Variants in LY96 observed in about 807,000 individuals in gnomAD.
LY96 encodes myeloid differentiation protein-2.
LY96 carries 18 observed loss-of-function variants against 18.9 expected under a neutral mutation model. The ratio of observed to expected loss-of-function variants is 0.95; its 90% CI spans 0.66 to 1.41. The LOEUF is 1.41. LY96 is among the 40% of genes most tolerant of loss of function. The pLI is 0.00. For synonymous variants in LY96, 66 were observed against 62.6 expected (o/e 1.06, Z -0.26); for missense variants, 175 against 182.4 (o/e 0.96, Z 0.23).
chr8:74,063,668 T>C, the LY96 span, among the ~76,000 whole-genome samples: 2 of 151,490 alleles, frequency 1.3e-5, no homozygotes, highest in African/African-American at 4.9e-5. Flanking sequence ...TATTTAGATC[T>C]ATGATGCACT....
Position 74,004,830 on chromosome 8 carries a change from C to A in LY96, c.147C>A (p.Asn49Lys). ...AATACCCAATTTCAATTAATGTTAA[C>A]CCCTGTATAGAATTGAAAAGATCCA... ...KMQYPISINV[N>K]PCIELKRSKG... The change falls in exon 2 of 5, where the codon AAC becomes AAA. Residue 49 changes from asparagine to lysine, a missense_variant. Asn to Lys is a moderately conservative substitution (Grantham distance 94). Coordinates refer to ENST00000284818, the MANE Select transcript of LY96 (RefSeq NM_015364.5). 1 of 1,583,180 alleles carries A rather than the reference C, an allele frequency of 6.3e-7. No homozygotes were observed. The highest frequency in any genetic ancestry group is 8.7e-7 in the Non-Finnish European group (1 of 1,154,440).
the LY96 span, among the ~76,000 whole-genome samples, chr8:74,094,561 A>G: frequency 0.092 from 13,970 of 152,230 alleles, 1,194 homozygotes; most frequent in African/African-American, 0.22. Context: ...AGGTTGAATT[A>G]CTGTTATTTT....
At chr8:74,033,054 G>T (rs956274183), downstream of LY96, among the ~76,000 whole-genome samples, 8 of 152,152 alleles carry the variant, frequency 5.3e-5, no homozygotes, top group Non-Finnish European at 1.0e-4. Context: ...TGGGGTTTAG[G>T]GGGCCCTTTT....
At chr8:74,088,153 A>AGAATAGAAT in the LY96 span, among the ~76,000 whole-genome samples, 17 of 70,162 alleles carry the variant, frequency 2.4e-4, no homozygotes, top group Non-Finnish European at 3.5e-4. Context: ...TAGAATAGAA[A>AGAATAGAAT]AGAATAGAAA....
the LY96 span, among the ~76,000 whole-genome samples, chr8:74,040,933 A>T: frequency 2.6e-5 from 4 of 151,864 alleles, no homozygotes; most frequent in Middle Eastern, 3.4e-3. Context: ...TGATCTCCTG[A>T]CCTCGTGATC....
intron 3 of LY96, among the ~76,000 whole-genome samples, chr8:74,013,263 C>T (rs1415400023): frequency 6.6e-6 from 1 of 152,022 alleles, no homozygotes; most frequent in African/African-American, 2.4e-5. Context: ...GCTGGGACTA[C>T]AGGCGTGTGT....
At chr8:74,031,149 T>C (rs1286268393), downstream of LY96, among the ~76,000 whole-genome samples, 2 of 152,212 alleles carry the variant, frequency 1.3e-5, no homozygotes, top group Non-Finnish European at 2.9e-5. Flanking sequence ...CCTATTGTAA[T>C]TTCCTCCTTT....
chr8:74,089,427 G>A, the LY96 span, among the ~76,000 whole-genome samples: 1 of 152,028 alleles, frequency 6.6e-6, no homozygotes, highest in African/African-American at 2.4e-5. Context: ...ACACATCCAT[G>A]TATCTGGCCC....
the LY96 span, among the ~76,000 whole-genome samples, chr8:74,098,481 T>A: frequency 6.6e-6 from 1 of 152,142 alleles, no homozygotes. Context: ...GCTCAAGCGA[T>A]TCTCATGCGC....
chr8:74,052,866 C>T, the LY96 span, among the ~76,000 whole-genome samples: 16 of 152,240 alleles, frequency 1.1e-4, no homozygotes, highest in South Asian at 6.2e-4. Flanking sequence ...GAAGAACACA[C>T]GCAGAGTTTA....
intron 2 of LY96, among the ~76,000 whole-genome samples, chr8:74,005,164 A>G (rs1816386598): frequency 6.6e-6 from 1 of 152,176 alleles, no homozygotes; most frequent in Admixed American, 6.5e-5. Flanking sequence ...ACTAGGAAAT[A>G]TATACTTCTA....
chr8:73,993,139 G>A (rs1816045918), intron 1 of LY96, among the ~76,000 whole-genome samples: 2 of 151,800 alleles, frequency 1.3e-5, no homozygotes, highest in Admixed American at 1.3e-4. Flanking sequence ...GGGATTACAG[G>A]CGTGTGCCAC....
chr8:74,050,520 A>G, the LY96 span, among the ~76,000 whole-genome samples: 1 of 152,104 alleles, frequency 6.6e-6, no homozygotes, highest in Non-Finnish European at 1.5e-5. Flanking sequence ...AATATAAAAT[A>G]ATATATTTAA....
chr8:74,010,021 T>C lies in LY96; in HGVS notation c.223T>C (p.Tyr75His). ...YIPRRDLKQLYFNLYITVNTM... is the reference protein window; with the variant it reads ...YIPRRDLKQLHFNLYITVNTM... ...TAAAGGGAGAGATTTAAAGCAATTA[T>C]ATTTCAATCTCTATATAACTGTCAA... Residue 75 changes from tyrosine (Y) to histidine (H), a missense_variant, in exon 3 of 5, where the codon TAT becomes CAT. Transcript: ENST00000284818. The C allele has an allele frequency of 6.2e-7, 1 of 1,603,570 alleles. No homozygotes were observed. Among genetic ancestry groups the C allele is most frequent in the Non-Finnish European group, 8.5e-7 (1 of 1,170,530 alleles).
At chr8:74,045,733 G>T in the LY96 span, among the ~76,000 whole-genome samples, 1 of 152,082 alleles carries the variant, frequency 6.6e-6, no homozygotes, top group African/African-American at 2.4e-5. Context: ...GAGACAGAGG[G>T]GCCTGTCTGA....
the LY96 span, among the ~76,000 whole-genome samples, chr8:74,054,634 T>G: frequency 3.2e-5 from 4 of 125,554 alleles, no homozygotes; most frequent in African/African-American, 1.2e-4. Context: ...CTTTCTTTCT[T>G]TCTTTCTTTC....
the LY96 span, among the ~76,000 whole-genome samples, chr8:74,054,060 T>G: frequency 1.3e-5 from 2 of 152,186 alleles, no homozygotes; most frequent in Non-Finnish European, 2.9e-5. Context: ...CAGGGTCTTG[T>G]TCTGTCATCC....
chr8:74,031,499 A>ACACCCG (rs1388274117), downstream of LY96, among the ~76,000 whole-genome samples: 66 of 151,722 alleles, frequency 4.4e-4, no homozygotes, highest in African/African-American at 1.6e-3. Context: ...GGTGGCGGGC[A>ACACCCG]CCTGTAGTCC....
intron 2 of LY96, among the ~76,000 whole-genome samples, chr8:74,006,287 T>C (rs1816409894): frequency 6.6e-6 from 1 of 152,098 alleles, no homozygotes; most frequent in Admixed American, 6.5e-5. Flanking sequence ...AGCCTCTGCC[T>C]CCCGGGTTCA....
Sources: allele counts gnomAD v4.1 joint callset (sites outside exome capture counted in the v4.1 genomes callset), GRCh38; gene constraint gnomAD v4.1.1; transcripts MANE v1.5; gene names NCBI Gene and HGNC (gene_info 2026-07-23, HGNC 2026-07-21).